KLF12: variants seen among roughly 807,000 people sequenced by gnomAD.
KLF12 encodes KLF transcription factor 12.
Under a neutral mutation model 37.8 loss-of-function variants are expected in KLF12, and 9 were observed. The ratio of observed to expected loss-of-function variants is 0.24; its 90% CI spans 0.14 to 0.42. The LOEUF is 0.42. Among genes scored for constraint, KLF12 ranks in the 10% least tolerant of loss-of-function variants. KLF12 has a pLI of 1.00. For missense variants in KLF12, 411 were observed against 516.0 expected (o/e 0.80, Z 1.97); for synonymous variants, 208 against 202.1 (o/e 1.03, Z -0.25).
At chr13:73,777,427 G>A (rs1003572158) in intron 5 of KLF12, among the ~76,000 whole-genome samples, 4 of 152,194 alleles carry the variant, frequency 2.6e-5, no homozygotes, top group South Asian at 2.1e-4. Flanking sequence ...ATTCAGTGGC[G>A]GCTGGGCATG....
intron 5 of KLF12, among the ~76,000 whole-genome samples, chr13:73,776,948 C>A (rs777302696): frequency 1.3e-5 from 2 of 151,968 alleles, no homozygotes; most frequent in Non-Finnish European, 2.9e-5. Context: ...TAAAAAAAGA[C>A]AACAGTCCAA....
chr13:73,904,468 C>CTTT (rs1888181265), intron 3 of KLF12, among the ~76,000 whole-genome samples: 1 of 51,274 alleles, frequency 2.0e-5, no homozygotes. Flanking sequence ...TTCTTTCTTT[C>CTTT]CTTTTTTTTT....
intron 2 of KLF12, among the ~76,000 whole-genome samples, chr13:73,964,894 T>C (rs560186573): frequency 1.3e-5 from 2 of 152,302 alleles, no homozygotes; most frequent in Non-Finnish European, 2.9e-5. Flanking sequence ...AAGGTTGATA[T>C]GAACCTAGCC....
rs937250799 is a variant in KLF12, at chr13:73,693,744, C to T, written c.*1746G>A. Reference sequence around the variant, plus strand: ...AAGTGTTTGTAATTAAAATATATTGCAAAGGTCTTTGTTGGAGACCTTTTA... The same window carrying T: ...AAGTGTTTGTAATTAAAATATATTGTAAAGGTCTTTGTTGGAGACCTTTTA... On this transcript the variant is annotated 3_prime_UTR_variant, in exon 8 of 8. Coordinates refer to ENST00000377669, the MANE Select transcript of KLF12 (RefSeq NM_007249.5). 6 of 152,474 alleles carry T rather than the reference C, an allele frequency of 3.9e-5. No individual in the cohort carries two copies. The highest frequency in any genetic ancestry group is 1.4e-4 in the African/African-American group (6 of 41,396). The allele number at this position is 152,474 out of a possible 1,614,324, so 9.4% of individuals were successfully genotyped here.
At chr13:73,743,316 AGGT>A (rs1878134769) in intron 6 of KLF12, among the ~76,000 whole-genome samples, 1 of 152,214 alleles carries the variant, frequency 6.6e-6, no homozygotes, top group Non-Finnish European at 1.5e-5. Context: ...TACATGTGCT[AGGT>A]GGTGGTGTTA....
At chr13:73,736,683 C>A (rs1171648587) in intron 6 of KLF12, among the ~76,000 whole-genome samples, 1 of 152,096 alleles carries the variant, frequency 6.6e-6, no homozygotes, top group Non-Finnish European at 1.5e-5. Context: ...AATAACAACC[C>A]AGAGTTTGGT....
intron 1 of KLF12, among the ~76,000 whole-genome samples, chr13:74,066,698 A>C (rs1873935760): frequency 6.6e-6 from 1 of 152,310 alleles, no homozygotes; most frequent in South Asian, 2.1e-4. Context: ...AAGAATAATC[A>C]TGGTGATGTT....
At chr13:73,803,728 A>C (rs1202769313) in intron 5 of KLF12, among the ~76,000 whole-genome samples, 1 of 151,760 alleles carries the variant, frequency 6.6e-6, no homozygotes, top group Non-Finnish European at 1.5e-5. Flanking sequence ...AAAGAAGGCT[A>C]GGACATGTTA....
At chr13:73,737,493 A>C (rs1003991446) in intron 6 of KLF12, among the ~76,000 whole-genome samples, 1 of 152,142 alleles carries the variant, frequency 6.6e-6, no homozygotes. Flanking sequence ...GTGGAACTAA[A>C]TACTCTTTCC....
At chr13:73,755,500 T>G (rs1451167906) in intron 6 of KLF12, among the ~76,000 whole-genome samples, 1 of 152,196 alleles carries the variant, frequency 6.6e-6, no homozygotes, top group Non-Finnish European at 1.5e-5. Context: ...AATTATAGCC[T>G]TGTTTACCCA....
intron 1 of KLF12, among the ~76,000 whole-genome samples, chr13:74,101,004 T>G (rs1408966263): frequency 6.6e-6 from 1 of 152,172 alleles, no homozygotes; most frequent in Admixed American, 6.5e-5. Flanking sequence ...AAGAAGAATC[T>G]GAAGGCCATC....
chr13:74,055,291 T>C (rs1281737676), intron 1 of KLF12, among the ~76,000 whole-genome samples: 1 of 152,226 alleles, frequency 6.6e-6, no homozygotes, highest in South Asian at 2.1e-4. Context: ...TCCATTTACT[T>C]ACATGTCTTT....
At chr13:74,302,729 T>A in the KLF12 span, among the ~76,000 whole-genome samples, 2 of 152,118 alleles carry the variant, frequency 1.3e-5, no homozygotes, top group African/African-American at 4.8e-5. Context: ...ATTGCTCACA[T>A]GTCCAATGTG....
At chr13:73,757,481 A>T (rs1381339733) in intron 6 of KLF12, among the ~76,000 whole-genome samples, 7 of 152,214 alleles carry the variant, frequency 4.6e-5, no homozygotes, top group African/African-American at 1.7e-4. Context: ...CTTTATGAAG[A>T]TCTGGTGGTC....
chr13:73,934,053 A>C (rs1215300533), intron 3 of KLF12, among the ~76,000 whole-genome samples: 1 of 151,664 alleles, frequency 6.6e-6, no homozygotes, highest in Non-Finnish European at 1.5e-5. Flanking sequence ...GATTTTGACT[A>C]CTCTAGATTC....
chr13:74,258,862 C>T, the KLF12 span: 1 of 152,172 alleles, frequency 6.6e-6, no homozygotes, highest in Non-Finnish European at 1.5e-5. Context: ...TGGAGTTGAT[C>T]TCAGAAAGGC....
chr13:74,162,636 A>G, the KLF12 span, among the ~76,000 whole-genome samples: 1 of 151,970 alleles, frequency 6.6e-6, no homozygotes, highest in Non-Finnish European at 1.5e-5. Context: ...ACCTCTTGGG[A>G]TTCTGCCTGT....
intron 1 of KLF12, among the ~76,000 whole-genome samples, chr13:74,003,860 T>C (rs1162637018): frequency 6.6e-6 from 1 of 152,052 alleles, no homozygotes; most frequent in Non-Finnish European, 1.5e-5. Context: ...TTTTGAAAAA[T>C]ATTGTAGCAG....
chr13:74,025,454 C>T (rs560497199), intron 1 of KLF12, among the ~76,000 whole-genome samples: 1 of 152,164 alleles, frequency 6.6e-6, no homozygotes, highest in African/African-American at 2.4e-5. Context: ...ATATCTGATG[C>T]TCACTACTGC....
Sources: allele counts gnomAD v4.1 joint callset (sites outside exome capture counted in the v4.1 genomes callset), GRCh38; gene constraint gnomAD v4.1.1; transcripts MANE v1.5; gene names NCBI Gene and HGNC (gene_info 2026-07-23, HGNC 2026-07-21).